OGDH: variants seen among roughly 807,000 people sequenced by gnomAD.
OGDH encodes oxoglutarate dehydrogenase.
OGDH carries 38 observed loss-of-function variants against 116.6 expected under a neutral mutation model. The ratio of observed to expected loss-of-function variants is 0.33; its 90% CI spans 0.25 to 0.43. The LOEUF is 0.43. OGDH is among the 20% of genes least tolerant of loss of function. The probability of loss-of-function intolerance (pLI) is 1.00; values close to 1 mark genes in which losing one functional copy is unlikely to be tolerated. For synonymous variants in OGDH, 488 were observed against 533.3 expected (o/e 0.92, Z 1.17); for missense variants, 825 against 1,357.2 (o/e 0.61, Z 6.16).
intron 5 of OGDH, among the ~76,000 whole-genome samples, chr7:44,670,787 A>AATC (rs1229533859): frequency 6.6e-6 from 1 of 151,850 alleles, no homozygotes; most frequent in Non-Finnish European, 1.5e-5. Context: ...AAGGCGGGCG[A>AATC]ATCACGAGGT....
intron 1 of OGDH, among the ~76,000 whole-genome samples, chr7:44,623,403 G>A (rs1785075958): frequency 8.2e-6 from 1 of 121,464 alleles, no homozygotes; most frequent in African/African-American, 2.6e-5. Flanking sequence ...GGTAAATTGA[G>A]AGTAAGGAAA....
rs1318458671 is a variant in OGDH at position 44,645,337 on chromosome 7, T to G, written c.233T>G (p.Ile78Ser). The G allele has an allele frequency of 6.2e-7, 1 of 1,606,520 alleles. No homozygotes were observed. Among genetic ancestry groups the G allele is most frequent in the Non-Finnish European group, 8.5e-7 (1 of 1,174,942 alleles). ...CTTCTTTGTCTTTAGTCATGGGACATTTTTTTTCGCAACACGAATGCCGGA... is the reference window on the plus strand; with the variant it reads ...CTTCTTTGTCTTTAGTCATGGGACAGTTTTTTTCGCAACACGAATGCCGGA... The part of the protein sequence containing the change: ...NPKSVHKSWD[I>S]FFRNTNAGAP... Residue 78 changes from isoleucine to serine, a missense_variant, in exon 3 of 23, where the codon ATT becomes AGT. This residue lies in a region of OGDH where 126 missense variants were observed against 130.4 expected (regional missense o/e 0.97). Coordinates refer to ENST00000222673, the MANE Select transcript of OGDH (RefSeq NM_002541.4).
intron 10 of OGDH, among the ~76,000 whole-genome samples, chr7:44,687,818 G>C (rs1037821285): frequency 6.6e-6 from 1 of 152,016 alleles, no homozygotes; most frequent in African/African-American, 2.4e-5. Flanking sequence ...CAATTAAGTG[G>C]TTTTTAGTAT....
intron 1 of OGDH, among the ~76,000 whole-genome samples, chr7:44,611,787 T>A (rs879522036): frequency 1.6e-4 from 25 of 151,968 alleles, no homozygotes; most frequent in Non-Finnish European, 2.5e-4. Context: ...TTTTTTTTTT[T>A]ATGTTTTCAC....
chr7:44,670,839 T>A (rs757969722), intron 5 of OGDH, among the ~76,000 whole-genome samples: 8 of 151,740 alleles, frequency 5.3e-5, no homozygotes, highest in Non-Finnish European at 1.2e-4. Context: ...TGAAACCCCG[T>A]CTCTACTAAA....
At chr7:44,638,712 G>A (rs1458274302) in intron 2 of OGDH, among the ~76,000 whole-genome samples, 1 of 152,224 alleles carries the variant, frequency 6.6e-6, no homozygotes, top group Admixed American at 6.5e-5. Context: ...GCCTGACTCA[G>A]CTCAGGTTCT....
rs1788609841 is a variant in OGDH, at chr7:44,697,016, G to T, written c.2003G>T (p.Gly668Val). 6.2e-7 allele frequency: 1 copy of T among 1,614,118 alleles called. No individual in the cohort carries two copies. The highest frequency in any genetic ancestry group is 8.5e-7 in the Non-Finnish European group (1 of 1,180,038). Residue 668 changes from glycine (G) to valine (V), a missense_variant, in exon 15 of 23, where the codon GGC (glycine) becomes GTC (valine). By Grantham distance (109) the Gly-to-Val change is moderately radical. Coordinates refer to ENST00000222673, the MANE Select transcript of OGDH (RefSeq NM_002541.4). This position sits in a 1 kb window ranked among gnomAD's most constrained non-coding sequence, Gnocchi z 6.0. ...YMAFGSLLKE[G>V]IHIRLSGQDV... ...GCGTTTGGCTCGCTCCTGAAGGAGGGCATCCACATTCGGCTGAGCGGCCAG... is the reference window on the plus strand; with the variant it reads ...GCGTTTGGCTCGCTCCTGAAGGAGGTCATCCACATTCGGCTGAGCGGCCAG...
Position 44,697,176 on chromosome 7 carries a change from C to T in OGDH, c.2051+112C>T. On this transcript the variant is annotated intron_variant, in intron 15 of 22. Coordinates refer to ENST00000222673, the MANE Select transcript of OGDH (RefSeq NM_002541.4). This position sits in a 1 kb window ranked among gnomAD's most constrained non-coding sequence, Gnocchi z 6.0. The stretch of plus-strand genomic sequence containing the variant: ...TAGAAACCGGAAGAGTCACATTGCT[C>T]TCAGGCTGAAAACCTCTGTCCCTCA... 1 of 1,499,206 alleles carries T rather than the reference C, an allele frequency of 6.7e-7. No individual in the cohort carries two copies. Among genetic ancestry groups the T allele is most frequent in the Non-Finnish European group, 9.1e-7 (1 of 1,103,684 alleles). The allele number at this position is 1,499,206 out of a possible 1,614,324, so 92.9% of individuals were successfully genotyped here.
rs750135930 is a variant in OGDH at position 44,676,023 on chromosome 7, T to G, written c.1080T>G (p.Arg360=). The G allele has an allele frequency of 6.2e-7, 1 of 1,614,032 alleles. No individual in the cohort carries two copies. Among genetic ancestry groups the G allele is most frequent in the African/African-American group, 1.3e-5 (1 of 74,908 alleles). The change falls in exon 9 of 23, where the codon CGT becomes CGG. Residue 360 remains arginine (R), a synonymous_variant. Transcript: ENST00000222673. ...GCATGTATCACCGCAGGATCAATCG[T>G]GTCACCGACAGGAACATTACCTTGT... ...HLGMYHRRIN[R]VTDRNITLSL... is the part of the protein sequence containing the mutation.
At chr7:44,633,730 C>T (rs1211989941) in intron 2 of OGDH, among the ~76,000 whole-genome samples, 3 of 152,106 alleles carry the variant, frequency 2.0e-5, no homozygotes, top group African/African-American at 4.8e-5. Flanking sequence ...GCTGGGGTTC[C>T]CCCAAATAGG....
At chr7:44,666,467 G>T (rs1001621690) in intron 4 of OGDH, among the ~76,000 whole-genome samples, 1 of 152,032 alleles carries the variant, frequency 6.6e-6, no homozygotes, top group African/African-American at 2.4e-5. Flanking sequence ...TGAATAATTG[G>T]TGTACTTAAC....
intron 1 of OGDH, among the ~76,000 whole-genome samples, chr7:44,621,280 C>T (rs55904633): frequency 0.31 from 47,234 of 151,954 alleles, 8,669 homozygotes; most frequent in Non-Finnish European, 0.41. Context: ...CACTATGTTG[C>T]CCGGGCTGGT....
At chr7:44,628,713 G>A (rs1200031390) in intron 2 of OGDH, among the ~76,000 whole-genome samples, 1 of 152,078 alleles carries the variant, frequency 6.6e-6, no homozygotes, top group African/African-American at 2.4e-5. Context: ...GCCTCCCAAA[G>A]TGCTGGGATT....
intron 5 of OGDH, among the ~76,000 whole-genome samples, chr7:44,670,736 C>T (rs565794485): frequency 1.5e-4 from 23 of 152,108 alleles, no homozygotes; most frequent in South Asian, 4.1e-4. Context: ...TGGGGCTGGG[C>T]GTGGTGGCTC....
intron 2 of OGDH, among the ~76,000 whole-genome samples, chr7:44,626,340 C>CCCCCCT (rs1253293855): frequency 2.2e-5 from 3 of 135,736 alleles, no homozygotes; most frequent in Admixed American, 7.3e-5. Flanking sequence ...CACCCCTACA[C>CCCCCCT]ACACACACAC....
rs141273143 is a variant in OGDH, at chr7:44,707,292, G to A, written c.2700G>A (p.Arg900=). The A allele has an allele frequency of 5.6e-6, 9 of 1,614,108 alleles. No individual in the cohort carries two copies. The African/African-American group carries it at 1.2e-4, about 22-fold the overall frequency. ...PAAQNPENVK[R]LLFCTGKVYY... is the part of the protein sequence containing the mutation. ...CTCAGAACCCAGAAAATGTCAAAAG[G>A]CTTCTCTTCTGCACCGGCAAAGTGT... The change falls in exon 21 of 23, where the codon AGG becomes AGA. Residue 900 remains arginine, a synonymous_variant. Coordinates refer to ENST00000222673, the MANE Select transcript of OGDH (RefSeq NM_002541.4). The surrounding 1 kb of genome is among the most constrained non-coding windows in gnomAD (Gnocchi z 5.2).
intron 4 of OGDH, among the ~76,000 whole-genome samples, chr7:44,659,758 A>G (rs755934627): frequency 6.6e-6 from 1 of 152,286 alleles, no homozygotes. Context: ...TCTTCTTGAT[A>G]TTTGAAGGGT....
chr7:44,691,981 TAAAAAAA>T (rs371665967), intron 10 of OGDH, among the ~76,000 whole-genome samples: 156 of 102,616 alleles, frequency 1.5e-3, no homozygotes, highest in African/African-American at 5.7e-3. Context: ...GACTCTGTCT[TAAAAAAA>T]AAAAAAAAAA....
chr7:44,656,256 A>T, intron 4 of OGDH: 2 of 1,516,450 alleles, frequency 1.3e-6, no homozygotes, highest in Non-Finnish European at 1.8e-6. Flanking sequence ...TCTTTTTTAA[A>T]CTAACTCTCA....
Sources: gnomAD v4.1 joint callset for allele counts (sites outside exome capture counted in the v4.1 genomes callset) on GRCh38, gnomAD v4.1.1 for gene constraint, gnomAD v4.1.1 regional missense constraint, Gnocchi (gnomAD v3.1) non-coding constraint, MANE v1.5 for transcripts, NCBI Gene and HGNC (gene_info 2026-07-23, HGNC 2026-07-21) for gene names.